Variants in OR4E1 observed in about 807,000 individuals in gnomAD.
OR4E1 encodes the protein olfactory receptor 4E1.
At chr14:21,672,336 T>C (rs1213718151) in intron 1 of OR4E1, among the ~76,000 whole-genome samples, 1 of 152,214 alleles carries the variant, frequency 6.6e-6, no homozygotes, top group African/African-American at 2.4e-5. Context: ...GGCAGACTAA[T>C]GAGTCAACCC....
rs1405781751 is a variant in OR4E1 at position 21,668,156 on chromosome 14, C to T, written c.*1832G>A. On this transcript the variant is annotated 3_prime_UTR_variant, in exon 2 of 2. Coordinates refer to ENST00000641792, the MANE Select transcript of OR4E1 (RefSeq NM_001317107.2). ...TTACCAGCTACAATCTTAATGGCTA[C>T]GTTGAAGCATTGTGTTGTTGACAGA... 6.6e-6 allele frequency: 1 copy of T among 152,498 alleles called. No individual in the cohort carries two copies. Among genetic ancestry groups the T allele is most frequent in the Admixed American group, 6.5e-5 (1 of 15,268 alleles). The allele number at this position is 152,498 out of a possible 1,614,324, so 9.4% of individuals were successfully genotyped here. A position where few individuals can be genotyped will look rare whatever the true frequency, so the allele number is the denominator to read the frequency against.
At chr14:21,671,449 T>C (rs1880945010) in intron 1 of OR4E1, among the ~76,000 whole-genome samples, 6 of 152,172 alleles carry the variant, frequency 3.9e-5, no homozygotes, top group Admixed American at 3.9e-4. Context: ...GCCATGGGGC[T>C]CTGAGACTGT....
chr14:21,670,907 G>T lies in OR4E1; in HGVS notation c.29C>A (p.Thr10Asn), dbSNP rs1264989163. The change falls in exon 2 of 2, where the codon ACT becomes AAT. Residue 10 changes from threonine (T) to asparagine (N), a missense_variant. By Grantham distance (65) the Thr-to-Asn change is moderately conservative (BLOSUM62 0). Coordinates refer to ENST00000641792, the MANE Select transcript of OR4E1 (RefSeq NM_001317107.2). MEEAILLNQ[T>N]SLVTYFRLRG... ...AAGCCGAAAATATGTCACTAAAGAA[G>T]TTTGATTGAGTAGGATGGCCTCTTC... 2.5e-6 allele frequency: 1 copy of T among 398,640 alleles called. No homozygotes were observed. The highest frequency in any genetic ancestry group is 3.6e-5 in the East Asian group (1 of 28,082). The allele number at this position is 398,640 out of a possible 1,614,324, so 24.7% of individuals were successfully genotyped here. A position where few individuals can be genotyped will look rare whatever the true frequency, so the allele number is the denominator to read the frequency against.
chr14:21,671,785 A>AGCACC (rs1210687613), intron 1 of OR4E1, among the ~76,000 whole-genome samples: 3 of 152,220 alleles, frequency 2.0e-5, no homozygotes, highest in Admixed American at 6.5e-5. Flanking sequence ...CTATGACTCA[A>AGCACC]GCACCACTAT....
Position 21,670,459 on chromosome 14 carries a change from G to C in OR4E1, c.477C>G (p.His159Gln). The change falls in exon 2 of 2, where the codon CAC (histidine) becomes CAG (glutamine). Residue 159 changes from histidine (H) to glutamine (Q), a missense_variant. By Grantham distance (24) the His-to-Gln change is conservative (BLOSUM62 0). Coordinates refer to ENST00000641792, the MANE Select transcript of OR4E1 (RefSeq NM_001317107.2). ...AVALWTGGTIHSIALTSLTIK... is the reference protein window; with the variant it reads ...AVALWTGGTIQSIALTSLTIK... ...TGGTAAGGGAGGTGAGGGCTATGGA[G>C]TGGATGGTCCCTCCTGTCCAGAGGG... The C allele has an allele frequency of 2.5e-6, 1 of 399,676 alleles. No homozygotes were observed. Among genetic ancestry groups the C allele is most frequent in the Non-Finnish European group, 4.4e-6 (1 of 226,588 alleles). The allele number at this position is 399,676 out of a possible 1,614,324, so 24.8% of individuals were successfully genotyped here.
At position 21,670,893 on chromosome 14, in the gene OR4E1, A is replaced by G. The variant is rs1880906431; in HGVS notation, c.43T>C (p.Tyr15His). ...ACAGATAAACCTCTAAGCCGAAAATATGTCACTAAAGAAGTTTGATTGAGT... is the reference window on the plus strand; with the variant it reads ...ACAGATAAACCTCTAAGCCGAAAATGTGTCACTAAAGAAGTTTGATTGAGT... ...ILLNQTSLVT[Y>H]FRLRGLSVNH... is the part of the protein sequence containing the mutation. Residue 15 changes from tyrosine to histidine, a missense_variant, in exon 2 of 2, where the codon TAT (tyrosine) becomes CAT (histidine). Coordinates refer to ENST00000641792, the MANE Select transcript of OR4E1 (RefSeq NM_001317107.2). 2.5e-6 allele frequency: 1 copy of G among 398,682 alleles called. No homozygotes were observed. The highest frequency in any genetic ancestry group is 3.6e-5 in the East Asian group (1 of 28,082). 24.7% of individuals were successfully genotyped at this position (398,682 alleles called of 1,614,324 possible). A position where few individuals can be genotyped will look rare whatever the true frequency, so the allele number is the denominator to read the frequency against.
chr14:21,672,890 G>A (rs1881027755), intron 1 of OR4E1, among the ~76,000 whole-genome samples, 200 bp downstream of exon 1: 1 of 152,148 alleles, frequency 6.6e-6, no homozygotes, highest in South Asian at 2.1e-4. Flanking sequence ...TACATTTCAA[G>A]GAAATGGGGA....
rs1880816904 is a variant in OR4E1 at position 21,669,491 on chromosome 14, T to G, written c.*497A>C. 1 of 152,310 alleles carries G rather than the reference T, an allele frequency of 6.6e-6. No individual in the cohort carries two copies. Among genetic ancestry groups the G allele is most frequent in the South Asian group, 2.1e-4 (1 of 4,836 alleles). 9.4% of individuals were successfully genotyped at this position (152,310 alleles called of 1,614,324 possible). On this transcript the variant is annotated 3_prime_UTR_variant, in exon 2 of 2. Transcript: ENST00000641792. ...AAGTCATGTGGAAACTCACTTTATC[T>G]GCTTCACTAGTGTTTGCTAAGCTGT...
intron 1 of OR4E1, among the ~76,000 whole-genome samples, chr14:21,671,916 T>A (rs1487991201): frequency 6.6e-6 from 1 of 151,394 alleles, no homozygotes; most frequent in Non-Finnish European, 1.5e-5. Context: ...GCACAGAGAG[T>A]CAAATCAACT....
intron 1 of OR4E1, among the ~76,000 whole-genome samples, chr14:21,671,872 A>AT (rs768081903): frequency 8.4e-4 from 127 of 151,000 alleles, no homozygotes; most frequent in Non-Finnish European, 1.3e-3. Flanking sequence ...GACATAATCT[A>AT]TTTTTTTTTC....
rs1881058172 is a variant in OR4E1 at position 21,673,430 on chromosome 14, C to T, written c.-358G>A. 6.6e-6 allele frequency: 1 copy of T among 151,664 alleles called. No homozygotes were observed. Among genetic ancestry groups the T allele is most frequent in the African/African-American group, 2.4e-5 (1 of 41,244 alleles). The allele number at this position is 151,664 out of a possible 1,614,324, so 9.4% of individuals were successfully genotyped here. A position where few individuals can be genotyped will look rare whatever the true frequency, so the allele number is the denominator to read the frequency against. On this transcript the variant is annotated 5_prime_UTR_variant, in exon 1 of 2. Transcript: ENST00000641792. ...AAGCCCGGGCAACATGGCGAAACCCCGTCTCTACAAAAAATACAAAAAATT... is the reference window on the plus strand; with the variant it reads ...AAGCCCGGGCAACATGGCGAAACCCTGTCTCTACAAAAAATACAAAAAATT...
chr14:21,673,048 A>T (rs1881035865), intron 1 of OR4E1, 42 bp downstream of exon 1: 1 of 152,174 alleles, frequency 6.6e-6, no homozygotes, highest in Admixed American at 6.5e-5. Context: ...AGTAGAAATA[A>T]CAACTTATTT....
chr14:21,668,170 G>A lies in OR4E1; in HGVS notation c.*1818C>T, dbSNP rs1235588371. ...CTTAATGGCTACGTTGAAGCATTGT[G>A]TTGTTGACAGACAATATGACAATTT... On this transcript the variant is annotated 3_prime_UTR_variant, in exon 2 of 2. Transcript: ENST00000641792. 1 of 152,494 alleles carries A rather than the reference G, an allele frequency of 6.6e-6. No homozygotes were observed. Among genetic ancestry groups the A allele is most frequent in the African/African-American group, 2.4e-5 (1 of 41,448 alleles). The allele number at this position is 152,494 out of a possible 1,614,324, so 9.4% of individuals were successfully genotyped here. A position where few individuals can be genotyped will look rare whatever the true frequency, so the allele number is the denominator to read the frequency against.
Position 21,670,071 on chromosome 14 carries a change from T to C in OR4E1, c.865A>G (p.Ile289Val), listed in dbSNP as rs2138553703. 1 of 398,570 alleles carries C rather than the reference T, an allele frequency of 2.5e-6. No homozygotes were observed. Among genetic ancestry groups the C allele is most frequent in the Non-Finnish European group, 4.4e-6 (1 of 226,122 alleles). The allele number at this position is 398,570 out of a possible 1,614,324, so 24.7% of individuals were successfully genotyped here. The change falls in exon 2 of 2, where the codon ATT (isoleucine) becomes GTT (valine). Residue 289 changes from isoleucine to valine, a missense_variant. Physicochemically the swap from Ile to Val is conservative, Grantham distance 29 (BLOSUM62 3). Transcript: ENST00000641792. Reference sequence around the variant, plus strand: ...TCTTCATTCCTAAGGGTATAGATAATGGGGTTCAGCAGGGGGGTGACTGCA... The same window carrying C: ...TCTTCATTCCTAAGGGTATAGATAACGGGGTTCAGCAGGGGGGTGACTGCA... ...FTAVTPLLNP[I>V]IYTLRNEEMK... is the part of the protein sequence containing the mutation.
At chr14:21,671,114 T>C (rs961924511) in intron 1 of OR4E1, among the ~76,000 whole-genome samples, 162 bp from the exon 2 acceptor site, 1 of 152,210 alleles carries the variant, frequency 6.6e-6, no homozygotes, top group Non-Finnish European at 1.5e-5. Flanking sequence ...TACATGATGA[T>C]ACACCCATAG....
chr14:21,670,591 C>T lies in OR4E1; in HGVS notation c.345G>A (p.Glu115=), dbSNP rs1248999999. ...AGGCCATGACGGTGAGGAGGAAGAT[C>T]TCTGTGCAGGCAAAGAGGTGCAGGA... ...MFFLHLFACT[E]IFLLTVMAYD... The change falls in exon 2 of 2, where the codon GAG becomes GAA. Residue 115 remains glutamate, a synonymous_variant. Coordinates refer to ENST00000641792, the MANE Select transcript of OR4E1 (RefSeq NM_001317107.2). 5.0e-6 allele frequency: 2 copies of T among 400,992 alleles called. No individual in the cohort carries two copies. Among genetic ancestry groups the T allele is most frequent in the Admixed American group, 8.8e-5 (2 of 22,736 alleles). 24.8% of individuals were successfully genotyped at this position (400,992 alleles called of 1,614,324 possible). A position where few individuals can be genotyped will look rare whatever the true frequency, so the allele number is the denominator to read the frequency against.
At position 21,672,518 on chromosome 14, in the gene OR4E1, C is replaced by T. The variant is rs771605548; in HGVS notation, c.-18+572G>A. Among the ~76,000 whole-genome samples the T allele has an allele frequency of 1.3e-4, 20 of 152,274 alleles. No homozygotes were observed. In the East Asian group the frequency reaches 1.4e-3, roughly 10 times the overall value. ...GTTTAGAAATTTTTCTTCGAGTATTCGTTTGAAGCTTTTGCTCCAAGAAGT... is the reference window on the plus strand; with the variant it reads ...GTTTAGAAATTTTTCTTCGAGTATTTGTTTGAAGCTTTTGCTCCAAGAAGT... On this transcript the variant is annotated intron_variant, in intron 1 of 1. Coordinates refer to ENST00000641792, the MANE Select transcript of OR4E1 (RefSeq NM_001317107.2).
At chr14:21,671,119 C>A (rs571191939) in intron 1 of OR4E1, among the ~76,000 whole-genome samples, 167 bp from the exon 2 acceptor site, 1 of 152,060 alleles carries the variant, frequency 6.6e-6, no homozygotes, top group Admixed American at 6.5e-5. Flanking sequence ...GATGATACAC[C>A]CATAGTAGGT....
Position 21,670,376 on chromosome 14 carries a change from T to G in OR4E1, c.560A>C (p.Gln187Pro), listed in dbSNP as rs775490453. ...GTCAATGCAGGCCAGCTTGATCACC[T>G]GAGGTACATCACAGAAGAAGTTGTC... The part of the protein sequence containing the change: ...EIDNFFCDVP[Q>P]VIKLACIDTH... Residue 187 changes from glutamine (Q) to proline (P), a missense_variant, in exon 2 of 2, where the codon CAG becomes CCG. Gln to Pro is a moderately conservative substitution (Grantham distance 76). Transcript: ENST00000641792. The G allele has an allele frequency of 1.0e-4, 41 of 399,534 alleles. No homozygotes were observed. Among genetic ancestry groups the G allele is most frequent in the Non-Finnish European group, 1.6e-4 (36 of 226,490 alleles). The allele number at this position is 399,534 out of a possible 1,614,324, so 24.7% of individuals were successfully genotyped here.
Sources: allele counts gnomAD v4.1 joint callset (sites outside exome capture counted in the v4.1 genomes callset), GRCh38; gene constraint gnomAD v4.1.1; transcripts MANE v1.5; gene names NCBI Gene and HGNC (gene_info 2026-07-23, HGNC 2026-07-21).